ICA1: variants seen among roughly 807,000 people sequenced by gnomAD.
The protein encoded by ICA1 is islet cell autoantigen 1, also known as 69 kDa islet cell autoantigen.
ICA1 carries 40 observed loss-of-function variants against 71.0 expected under a neutral mutation model. The observed-to-expected ratio is 0.56, with a 90% CI of 0.44 to 0.73. ICA1 has a LOEUF of 0.73. ICA1 is among the 30% of genes least tolerant of loss of function. ICA1 has a pLI of 0.00. For synonymous variants in ICA1, 207 were observed against 209.5 expected, an observed-to-expected ratio of 0.99 and a Z score of 0.10; for missense variants, 578 against 576.5, an observed-to-expected ratio of 1.00 and a Z score of -0.03.
intron 8 of ICA1, among the ~76,000 whole-genome samples, chr7:8,154,581 G>T (rs1033688046): frequency 6.6e-6 from 1 of 151,978 alleles, no homozygotes; most frequent in Non-Finnish European, 1.5e-5. Context: ...GCATTTCAGG[G>T]GCTATTTGCT....
Position 8,139,531 on chromosome 7 carries a change from G to A in ICA1, c.956-484C>T, listed in dbSNP as rs189215750. Among the ~76,000 whole-genome samples, 10 of 152,296 alleles carry A rather than the reference G, an allele frequency of 6.6e-5. No individual in the cohort carries two copies. In the East Asian group the frequency reaches 1.9e-3, roughly 29 times the overall value. ...CAAAGGCTTGAGGGGAGGGAGGGATGAATAGTGGAGGACACAGGGGTTTCA... is the reference window on the plus strand; with the variant it reads ...CAAAGGCTTGAGGGGAGGGAGGGATAAATAGTGGAGGACACAGGGGTTTCA... On this transcript the variant is annotated intron_variant, in intron 10 of 13. Coordinates refer to ENST00000402384, the MANE Select transcript of ICA1 (RefSeq NM_001136020.3).
At chr7:8,246,951 T>G (rs2128508414) in intron 1 of ICA1, among the ~76,000 whole-genome samples, 1 of 152,242 alleles carries the variant, frequency 6.6e-6, no homozygotes, top group East Asian at 1.9e-4. Context: ...TTTCACCGTG[T>G]TAGCCAGGAT....
chr7:8,139,187 T>C (rs1794384453), intron 10 of ICA1, 140 bp from the exon 11 acceptor site: 3 of 639,874 alleles, frequency 4.7e-6, no homozygotes, highest in South Asian at 4.0e-5. Context: ...GGTCCTCAGA[T>C]TACACTGGAC....
chr7:8,129,671 T>G (rs1790685597), intron 12 of ICA1, among the ~76,000 whole-genome samples: 1 of 152,220 alleles, frequency 6.6e-6, no homozygotes, highest in South Asian at 2.1e-4. Context: ...AATGGCATTT[T>G]AAACAGGCTT....
intron 6 of ICA1, among the ~76,000 whole-genome samples, chr7:8,183,649 T>C (rs1223543928): frequency 1.3e-5 from 2 of 152,188 alleles, no homozygotes; most frequent in African/African-American, 2.4e-5. Context: ...TTTCTGCCAT[T>C]AGATCTGGAA....
intron 6 of ICA1, among the ~76,000 whole-genome samples, chr7:8,185,531 C>T (rs908330976): frequency 3.3e-5 from 5 of 152,206 alleles, no homozygotes; most frequent in Non-Finnish European, 5.9e-5. Flanking sequence ...CTTGGGCCTA[C>T]GGAATCAGAA....
At chr7:8,199,750 G>A (rs763595654) in intron 6 of ICA1, among the ~76,000 whole-genome samples, 7 of 152,076 alleles carry the variant, frequency 4.6e-5, no homozygotes, top group Non-Finnish European at 7.4e-5. Context: ...AATTCCTGTC[G>A]TTTGCAACAA....
At chr7:8,152,598 CCCAGCACTACCACCATCACCTCTT>C (rs1799325373) in intron 8 of ICA1, among the ~76,000 whole-genome samples, 5 of 127,444 alleles carry the variant, frequency 3.9e-5, no homozygotes, top group Admixed American at 7.4e-5. Context: ...CACCACTACC[CCCAGCACTACCACCATCACCTCTT>C]CCACCACTAC....
intron 6 of ICA1, among the ~76,000 whole-genome samples, chr7:8,198,576 G>A (rs1788476539): frequency 6.6e-6 from 1 of 152,188 alleles, no homozygotes; most frequent in African/African-American, 2.4e-5. Flanking sequence ...AGGAAGCCAA[G>A]CCAGAGACTG....
At chr7:8,227,688 C>A in intron 4 of ICA1, 2 of 419,474 alleles carry the variant, frequency 4.8e-6, no homozygotes, top group South Asian at 1.8e-5. Flanking sequence ...TCACTGTGAT[C>A]CTCCTGCCTC....
chr7:8,169,901 A>AGTGTGTGTGTGTGTGTGTGTGTGT (rs58794085), intron 6 of ICA1, among the ~76,000 whole-genome samples: 2 of 147,086 alleles, frequency 1.4e-5, no homozygotes, highest in African/African-American at 2.5e-5. Context: ...TTAATGCCTG[A>AGTGTGTGTGTGTGTGTGTGTGTGT]GTGTGTGTGT....
intron 6 of ICA1, among the ~76,000 whole-genome samples, chr7:8,167,116 T>A (rs1046924636): frequency 1.3e-5 from 2 of 152,196 alleles, no homozygotes; most frequent in African/African-American, 4.8e-5. Flanking sequence ...AACAATCCCA[T>A]TATTGGGAAT....
rs960567447 is a variant in ICA1 at position 8,132,912 on chromosome 7, A to G, written c.1061-4770T>C. Among the ~76,000 whole-genome samples the G allele has an allele frequency of 6.6e-6, 1 of 152,204 alleles. No individual in the cohort carries two copies. The highest frequency in any genetic ancestry group is 2.4e-5 in the African/African-American group (1 of 41,446). On this transcript the variant is annotated intron_variant, in intron 12 of 13. Coordinates refer to ENST00000402384, the MANE Select transcript of ICA1 (RefSeq NM_001136020.3). The surrounding 1 kb of genome is among the most constrained non-coding windows in gnomAD (Gnocchi z 4.5). ...TGAAGCTGCTGGTGCTCCATAGAGGAACCCTCTTACTGTGTATCTTTGCTT... is the reference window on the plus strand; with the variant it reads ...TGAAGCTGCTGGTGCTCCATAGAGGGACCCTCTTACTGTGTATCTTTGCTT...
At chr7:8,181,730 A>T (rs1386691259) in intron 6 of ICA1, among the ~76,000 whole-genome samples, 2 of 152,176 alleles carry the variant, frequency 1.3e-5, no homozygotes, top group African/African-American at 4.8e-5. Flanking sequence ...CAGTTTTTAA[A>T]CGTGGCTCAG....
chr7:8,119,924 G>A (rs959885985), intron 13 of ICA1, among the ~76,000 whole-genome samples: 1 of 152,212 alleles, frequency 6.6e-6, no homozygotes, highest in Non-Finnish European at 1.5e-5. Context: ...GATAATGGCA[G>A]ATTCCTTTAT....
chr7:8,146,744 T>C (rs28486098), intron 8 of ICA1, among the ~76,000 whole-genome samples: 4 of 798 alleles, frequency 5.0e-3, no homozygotes, highest in East Asian at 0.032. Context: ...TGCGTGTGCG[T>C]GTGTGTGTGT....
chr7:8,154,367 G>A (rs1386732694), intron 8 of ICA1, among the ~76,000 whole-genome samples: 1 of 152,154 alleles, frequency 6.6e-6, no homozygotes, highest in African/African-American at 2.4e-5. Context: ...CTCCAAACAG[G>A]ATGCACCGAG....
At chr7:8,187,186 C>T (rs1329293564) in intron 6 of ICA1, among the ~76,000 whole-genome samples, 1 of 152,090 alleles carries the variant, frequency 6.6e-6, no homozygotes, top group African/African-American at 2.4e-5. Flanking sequence ...GATATAGCAC[C>T]TATTACACAC....
In ICA1 at chr7:8,182,132, T is replaced by C. The variant is rs567868435; in HGVS notation, c.580-23480A>G. On this transcript the variant is annotated intron_variant, in intron 6 of 13. Transcript: ENST00000402384. ...CCAGAAACACTCTTACCCTTTTTTT[T>C]CCCTTTTTTCACTTGGCTACTAACT... 7.9e-5 allele frequency among the ~76,000 whole-genome samples: 12 copies of C among 152,266 alleles called. No individual in the cohort carries two copies. In the South Asian group the frequency reaches 1.7e-3, roughly 21 times the overall value.
Sources: gnomAD v4.1 joint callset for allele counts (sites outside exome capture counted in the v4.1 genomes callset) on GRCh38, gnomAD v4.1.1 for gene constraint, Gnocchi (gnomAD v3.1) non-coding constraint, MANE v1.5 for transcripts, NCBI Gene and HGNC (gene_info 2026-07-23, HGNC 2026-07-21) for gene names.